Variants in GPC6 observed in about 807,000 individuals in gnomAD.
GPC6 encodes glypican-6.
Under a neutral mutation model 55.2 loss-of-function variants are expected in GPC6, and 14 were observed. That is an observed-to-expected ratio of 0.25 (90% CI 0.17 to 0.40). The LOEUF (loss-of-function observed/expected upper bound fraction) is 0.40. Ranked by LOEUF, GPC6 falls within the 10% of genes least tolerant of loss-of-function variation. GPC6 has a pLI of 1.00. For synonymous variants in GPC6, 278 were observed against 259.6 expected, an observed-to-expected ratio of 1.07 and a Z score of -0.68; for missense variants, 641 against 708.5, an observed-to-expected ratio of 0.90 and a Z score of 1.08.
intron 1 of GPC6, among the ~76,000 whole-genome samples, chr13:93,351,866 A>G (rs528788398): frequency 6.6e-6 from 1 of 152,290 alleles, no homozygotes; most frequent in South Asian, 2.1e-4. Context: ...GAAAACCATG[A>G]CAATTAAAAG....
intron 1 of GPC6, among the ~76,000 whole-genome samples, chr13:93,405,764 T>A (rs1433691964): frequency 1.3e-5 from 2 of 152,226 alleles, no homozygotes; most frequent in East Asian, 3.8e-4. Flanking sequence ...ATAAGTTATC[T>A]ACTGGTGTGT....
chr13:94,183,539 C>G (rs1420761811), intron 4 of GPC6, among the ~76,000 whole-genome samples: 2 of 152,194 alleles, frequency 1.3e-5, no homozygotes, highest in African/African-American at 4.8e-5. Flanking sequence ...ATACAAGTAT[C>G]TGGCTGAGTC....
intron 1 of GPC6, among the ~76,000 whole-genome samples, chr13:93,389,323 C>A (rs1395754601): frequency 6.6e-6 from 1 of 150,968 alleles, no homozygotes; most frequent in African/African-American, 2.5e-5. Flanking sequence ...TAGTGAAACC[C>A]CGTCTCTACT....
intron 1 of GPC6, among the ~76,000 whole-genome samples, chr13:93,246,379 G>A (rs554255678): frequency 7.7e-4 from 116 of 150,578 alleles, no homozygotes; most frequent in African/African-American, 2.6e-3. Flanking sequence ...GCAGGGGCCA[G>A]TGCTTCTCCA....
intron 1 of GPC6, among the ~76,000 whole-genome samples, chr13:93,498,420 C>G (rs1880390823): frequency 6.6e-6 from 1 of 152,140 alleles, no homozygotes; most frequent in Non-Finnish European, 1.5e-5. Flanking sequence ...TTTAAAACAT[C>G]TTATTGTCTG....
At chr13:93,673,936 A>G (rs975173348) in intron 2 of GPC6, among the ~76,000 whole-genome samples, 4 of 152,164 alleles carry the variant, frequency 2.6e-5, no homozygotes, top group Non-Finnish European at 1.5e-5. Context: ...GTAAGCATTT[A>G]TGTTATCCTT....
At chr13:93,611,472 A>G (rs1878458755) in intron 2 of GPC6, among the ~76,000 whole-genome samples, 1 of 152,128 alleles carries the variant, frequency 6.6e-6, no homozygotes, top group Admixed American at 6.5e-5. Flanking sequence ...TTATTTTTAA[A>G]AGCACTCAGT....
intron 3 of GPC6, among the ~76,000 whole-genome samples, chr13:93,923,157 G>A (rs1269670193): frequency 6.6e-6 from 1 of 152,084 alleles, no homozygotes; most frequent in Non-Finnish European, 1.5e-5. Context: ...TGTCTTTTTT[G>A]TTGTGTTTTC....
intron 3 of GPC6, among the ~76,000 whole-genome samples, chr13:93,842,092 CAT>C (rs1217566831): frequency 2.6e-5 from 4 of 152,082 alleles, no homozygotes; most frequent in Non-Finnish European, 1.5e-5. Flanking sequence ...TGTATCAAGA[CAT>C]AAGGAAATAC....
chr13:93,246,055 T>C (rs1037577842), intron 1 of GPC6, among the ~76,000 whole-genome samples: 2 of 152,222 alleles, frequency 1.3e-5, no homozygotes, highest in African/African-American at 4.8e-5. Context: ...TTTTTGGTCC[T>C]GTTGAGATTT....
At chr13:94,363,431 G>A (rs573631391) in intron 6 of GPC6, among the ~76,000 whole-genome samples, 2 of 152,214 alleles carry the variant, frequency 1.3e-5, no homozygotes, top group South Asian at 4.2e-4. Flanking sequence ...GCTGTACTTC[G>A]GACAGTTGAC....
intron 4 of GPC6, among the ~76,000 whole-genome samples, chr13:94,252,172 G>A (rs1891370701): frequency 6.6e-6 from 1 of 152,110 alleles, no homozygotes; most frequent in Admixed American, 6.6e-5. Flanking sequence ...TCACCCAGGT[G>A]TCTGGAATCA....
chr13:93,751,158 A>AAAAC (rs75613000), intron 2 of GPC6, among the ~76,000 whole-genome samples: 28,930 of 150,416 alleles, frequency 0.19, 3,107 homozygotes, highest in Middle Eastern at 0.28. Context: ...CAAAAAAAGA[A>AAAAC]AAACAAACAA....
chr13:93,301,469 T>C (rs1878677202), intron 1 of GPC6, among the ~76,000 whole-genome samples: 1 of 152,202 alleles, frequency 6.6e-6, no homozygotes, highest in Non-Finnish European at 1.5e-5. Context: ...CCAGAGTTAC[T>C]CTCTTCTTGC....
At chr13:94,339,975 C>G (rs996829785) in intron 6 of GPC6, among the ~76,000 whole-genome samples, 1 of 151,790 alleles carries the variant, frequency 6.6e-6, no homozygotes, top group Non-Finnish European at 1.5e-5. Flanking sequence ...GTTGGTCAGT[C>G]TGGTCTCAAA....
chr13:93,941,699 C>T (rs937597717), intron 3 of GPC6, among the ~76,000 whole-genome samples: 12 of 152,080 alleles, frequency 7.9e-5, no homozygotes, highest in African/African-American at 2.9e-4. Context: ...AGATGATATG[C>T]CAATCATCCC....
At chr13:93,836,842 G>A (rs1887750343) in intron 3 of GPC6, among the ~76,000 whole-genome samples, 1 of 152,096 alleles carries the variant, frequency 6.6e-6, no homozygotes, top group Non-Finnish European at 1.5e-5. Flanking sequence ...CCATGGTTCA[G>A]ATACTGTGCT....
intron 1 of GPC6, among the ~76,000 whole-genome samples, chr13:93,538,859 C>G (rs1882169844): frequency 6.6e-6 from 1 of 152,056 alleles, no homozygotes; most frequent in Non-Finnish European, 1.5e-5. Flanking sequence ...CATAACTCCA[C>G]TGAATGTTCT....
At chr13:93,877,051 G>T (rs1485749170) in intron 3 of GPC6, among the ~76,000 whole-genome samples, 1 of 152,036 alleles carries the variant, frequency 6.6e-6, no homozygotes, top group Non-Finnish European at 1.5e-5. Flanking sequence ...CAAATTGTAG[G>T]AATGGGTATA....
Sources: allele counts gnomAD v4.1 joint callset (sites outside exome capture counted in the v4.1 genomes callset), GRCh38; gene constraint gnomAD v4.1.1; transcripts MANE v1.5; gene names NCBI Gene and HGNC (gene_info 2026-07-23, HGNC 2026-07-21).